The following PRR14 variants were observed in gnomAD, a reference collection of about 807,000 sequenced individuals.
The protein encoded by PRR14 is proline rich 14.
In PRR14, 33 loss-of-function variants were observed where a neutral mutation model predicts 57.2. That is an observed-to-expected ratio of 0.58 (90% CI 0.44 to 0.77). The LOEUF is 0.77. PRR14 is among the 30% of genes least tolerant of loss of function. The pLI, the probability that PRR14 is intolerant of heterozygous loss-of-function variation, is 0.00. For synonymous variants in PRR14, 303 were observed against 314.7 expected (o/e 0.96, Z 0.39); for missense variants, 716 against 788.1 (o/e 0.91, Z 1.10).
intron 3 of PRR14, chr16:30,652,369 TCTG>T: frequency 1.8e-6 from 1 of 570,498 alleles, no homozygotes; most frequent in Non-Finnish European, 3.3e-6. Flanking sequence ...CCGAAACTCT[TCTG>T]CTTTCTTCCC....
Position 30,655,921 on chromosome 16 carries a change from A to G in PRR14, c.1460A>G (p.Gln487Arg). Residue 487 changes from glutamine (Q) to arginine (R), a missense_variant, in exon 11 of 12, where the codon CAA (glutamine) becomes CGA (arginine). Gln to Arg is a conservative substitution (Grantham distance 43). Transcript: ENST00000300835. The surrounding 1 kb of genome is among the most constrained non-coding windows in gnomAD (Gnocchi z 4.6). Reference protein sequence around the residue: ...LEEIYTNKNYQSPTTRRTFET... With the variant: ...LEEIYTNKNYRSPTTRRTFET... ...GAAATTTACACCAACAAGAATTACC[A>G]ATCACCCACAACCAGGAGGTGAGAC... 1 of 1,614,144 alleles carries G rather than the reference A, an allele frequency of 6.2e-7. No homozygotes were observed. Among genetic ancestry groups the G allele is most frequent in the Non-Finnish European group, 8.5e-7 (1 of 1,180,010 alleles).
rs1349771208 is a variant in PRR14 at position 30,654,225 on chromosome 16, C to T, written c.549-5C>T. ...CCCTAGCCTTTACCTTGCCCTTCACCCCAGAGCTGAGCCCATGAGGATAGT... is the reference window on the plus strand; with the variant it reads ...CCCTAGCCTTTACCTTGCCCTTCACTCCAGAGCTGAGCCCATGAGGATAGT... On this transcript the variant is annotated splice_region_variant and splice_polypyrimidine_tract_variant and intron_variant, in intron 6 of 11. Coordinates refer to ENST00000300835, the MANE Select transcript of PRR14 (RefSeq NM_024031.5). The T allele has an allele frequency of 5.0e-6, 8 of 1,612,480 alleles. No homozygotes were observed. The highest frequency in any genetic ancestry group is 1.3e-5 in the African/African-American group (1 of 74,970).
upstream of PRR14, chr16:30,650,948 G>A (rs1415731318): frequency 4.5e-6 from 2 of 442,276 alleles, no homozygotes; most frequent in East Asian, 1.4e-4. Flanking sequence ...GCGTCTGTGG[G>A]CGGGACCTCC....
At chr16:30,652,626 A>C (rs2052324473) in intron 3 of PRR14, 95 bp from the exon 4 acceptor site, 1 of 1,437,548 alleles carries the variant, frequency 7.0e-7, no homozygotes, top group Non-Finnish European at 9.7e-7. Flanking sequence ...AATCTCTGTT[A>C]TGTTTGTGGC....
At chr16:30,652,148 A>G in intron 3 of PRR14, 184 bp downstream of exon 3, 1 of 690,684 alleles carries the variant, frequency 1.4e-6, no homozygotes, top group Non-Finnish European at 2.4e-6. Flanking sequence ...AGAATTGGGC[A>G]GTGCCCATTC....
chr16:30,654,107 C>G, intron 6 of PRR14, 123 bp from the exon 7 acceptor site: 3 of 705,706 alleles, frequency 4.3e-6, no homozygotes, highest in Non-Finnish European at 7.4e-6. Flanking sequence ...CCAGCCTGGG[C>G]CACAGAGCAA....
At position 30,651,962 on chromosome 16, in the gene PRR14, A is replaced by G. The variant is rs1405613243; in HGVS notation, c.190A>G (p.Met64Val). ...GCTAGAAGATGTCATGGCTGTTCAC[A>G]TGGTGAGCCCCCTGAACCAAGAGAC... Reference protein sequence around the residue: ...VVLEDVMAVHMVPVVPSKQTS... With the variant: ...VVLEDVMAVHVVPVVPSKQTS... The change falls in exon 3 of 12, where the codon ATG becomes GTG. Residue 64 changes from methionine to valine, a missense_variant and splice_region_variant. Coordinates refer to ENST00000300835, the MANE Select transcript of PRR14 (RefSeq NM_024031.5). This position sits in a 1 kb window ranked among gnomAD's most constrained non-coding sequence, Gnocchi z 5.0. 6.5e-7 allele frequency: 1 copy of G among 1,529,968 alleles called. No homozygotes were observed. 94.8% of individuals were successfully genotyped at this position (1,529,968 alleles called of 1,614,324 possible).
chr16:30,655,469 G>A lies in PRR14; in HGVS notation c.1315-33G>A. On this transcript the variant is annotated intron_variant, in intron 9 of 11. Transcript: ENST00000300835. This position sits in a 1 kb window ranked among gnomAD's most constrained non-coding sequence, Gnocchi z 4.6. The stretch of plus-strand genomic sequence containing the variant: ...GAGACTAGTGGGGGCCTGAGCCCAT[G>A]TCACTCTTTCACCCTCTGCCCCATT... The A allele has an allele frequency of 6.2e-7, 1 of 1,613,686 alleles. No individual in the cohort carries two copies.
intron 6 of PRR14, among the ~76,000 whole-genome samples, 168 bp downstream of exon 6, chr16:30,653,576 C>T (rs1337246623): frequency 2.0e-5 from 3 of 152,202 alleles, no homozygotes; most frequent in Non-Finnish European, 4.4e-5. Flanking sequence ...TTTAGGAGGC[C>T]AAGGCAGGAG....
At chr16:30,654,381 G>A in intron 7 of PRR14, 42 bp downstream of exon 7, 1 of 1,487,688 alleles carries the variant, frequency 6.7e-7, no homozygotes, top group Non-Finnish European at 9.4e-7. Context: ...TGGGTGTCTG[G>A]GACATCCTAG....
intron 3 of PRR14, chr16:30,652,197 A>G: frequency 1.5e-6 from 1 of 647,530 alleles, no homozygotes; most frequent in Non-Finnish European, 2.8e-6. Context: ...ACATCCCTGT[A>G]ACTCTGAGAA....
chr16:30,653,213 C>A, intron 5 of PRR14, 110 bp downstream of exon 5: 1 of 1,371,010 alleles, frequency 7.3e-7, no homozygotes, highest in Non-Finnish European at 1.0e-6. Flanking sequence ...AGGAGGATGG[C>A]ATTTTAGGCG....
chr16:30,653,351 C>G lies in PRR14; in HGVS notation c.505-14C>G. On this transcript the variant is annotated splice_polypyrimidine_tract_variant and intron_variant, in intron 5 of 11. Coordinates refer to ENST00000300835, the MANE Select transcript of PRR14 (RefSeq NM_024031.5). ...TTTCCTGCCTCCCCACAAACATCCC[C>G]TATTTTTATCCAGGGCTTCATTGAT... The G allele has an allele frequency of 6.2e-7, 1 of 1,613,792 alleles. No homozygotes were observed. The highest frequency in any genetic ancestry group is 1.1e-5 in the South Asian group (1 of 91,064).
chr16:30,653,791 C>T lies in PRR14; in HGVS notation c.548+383C>T, dbSNP rs1380451256. Among the ~76,000 whole-genome samples the T allele has an allele frequency of 7.2e-5, 11 of 152,272 alleles. No homozygotes were observed. The Middle Eastern group carries it at 0.01, about 141-fold the overall frequency. On this transcript the variant is annotated intron_variant, in intron 6 of 11. Coordinates refer to ENST00000300835, the MANE Select transcript of PRR14 (RefSeq NM_024031.5). ...AAGTGATTCTCCTGCCTCAGCCTCCCGAGTAGCTGGGATTACAGGCATCCG... is the reference window on the plus strand; with the variant it reads ...AAGTGATTCTCCTGCCTCAGCCTCCTGAGTAGCTGGGATTACAGGCATCCG...
At chr16:30,654,073 G>A (rs1596605084) in intron 6 of PRR14, 157 bp from the exon 7 acceptor site, 2 of 652,132 alleles carry the variant, frequency 3.1e-6, no homozygotes, top group African/African-American at 3.6e-5. Context: ...AGGCTGCAGT[G>A]AGCTGAGATT....
chr16:30,654,529 A>C (rs2052345607), intron 7 of PRR14, 100 bp from the exon 8 acceptor site: 1 of 1,053,236 alleles, frequency 9.5e-7, no homozygotes, highest in South Asian at 1.5e-5. Context: ...TAGTGTTTTA[A>C]GGGTGGGCTA....
Position 30,656,266 on chromosome 16 carries a change from C to A in PRR14, c.1713C>A (p.Leu571=). 1 of 1,613,006 alleles carries A rather than the reference C, an allele frequency of 6.2e-7. No individual in the cohort carries two copies. The change falls in exon 12 of 12, where the codon CTC becomes CTA. Residue 571 remains leucine, a synonymous_variant. Coordinates refer to ENST00000300835, the MANE Select transcript of PRR14 (RefSeq NM_024031.5). ...GGCTGGAGGAGCTAGATGCCTTGCT[C>A]CTGGAGGAAGAAACAGTAGATCGGG... ...QQRLEELDAL[L]LEEETVDREQ...
At chr16:30,652,338 G>C (rs778776986) in intron 3 of PRR14, 1 of 570,338 alleles carries the variant, frequency 1.8e-6, no homozygotes, top group South Asian at 1.5e-5. Context: ...TGGGATTACA[G>C]GCGTGAGCCA....
In PRR14 at chr16:30,651,014, T is replaced by C. The variant is rs1177068815; in HGVS notation, c.-164T>C. 2 of 456,240 alleles carry C rather than the reference T, an allele frequency of 4.4e-6. No individual in the cohort carries two copies. Among genetic ancestry groups the C allele is most frequent in the African/African-American group, 4.0e-5 (2 of 50,060 alleles). The allele number at this position is 456,240 out of a possible 1,614,324, so 28.3% of individuals were successfully genotyped here. A position where few individuals can be genotyped will look rare whatever the true frequency, so the allele number is the denominator to read the frequency against. ...ACAGTGGATCCCTGGGGATCTACGC[T>C]GAGTTCGGAGATGCTCCAGCTCGGG... On this transcript the variant is annotated 5_prime_UTR_variant, in exon 1 of 12. Coordinates refer to ENST00000300835, the MANE Select transcript of PRR14 (RefSeq NM_024031.5). This position sits in a 1 kb window ranked among gnomAD's most constrained non-coding sequence, Gnocchi z 5.0.
Sources: allele counts gnomAD v4.1 joint callset (sites outside exome capture counted in the v4.1 genomes callset), GRCh38; gene constraint gnomAD v4.1.1; non-coding constraint Gnocchi (gnomAD v3.1); transcripts MANE v1.5; gene names NCBI Gene and HGNC (gene_info 2026-07-23, HGNC 2026-07-21).